ZNF385B: variants seen among roughly 807,000 people sequenced by gnomAD.
ZNF385B encodes the protein zinc finger protein 385B.
A neutral mutation model predicts 39.2 loss-of-function variants in ZNF385B; 23 were observed. The ratio of observed to expected loss-of-function variants is 0.59; its 90% CI spans 0.42 to 0.83. The LOEUF (loss-of-function observed/expected upper bound fraction) is 0.83. Among genes scored for constraint, ZNF385B ranks in the 40% least tolerant of loss-of-function variants. ZNF385B has a pLI of 0.00. For missense variants in ZNF385B, 552 were observed against 598.9 expected (o/e 0.92, Z 0.82); for synonymous variants, 205 against 222.6 (o/e 0.92, Z 0.70).
intron 1 of ZNF385B, among the ~76,000 whole-genome samples, chr2:179,812,666 A>G (rs914509013): frequency 6.6e-6 from 1 of 152,190 alleles, no homozygotes; most frequent in Non-Finnish European, 1.5e-5. Flanking sequence ...GAAGGGGGAA[A>G]GGGTTGACAA....
intron 1 of ZNF385B, chr2:179,860,896 G>A (rs373149579): frequency 5.4e-6 from 1 of 185,254 alleles, no homozygotes; most frequent in Non-Finnish European, 1.2e-5. Context: ...GGATTAGGTC[G>A]TGGAAGCCAC....
At position 179,688,205 on chromosome 2, in the gene ZNF385B, C is replaced by T. The variant is rs115869701; in HGVS notation, c.298+81298G>A. ...ATATGAGTTAGAGGTGGGGAAGGGGCTTGGGGACAATTAGAGAAAAGATGC... is the reference window on the plus strand; with the variant it reads ...ATATGAGTTAGAGGTGGGGAAGGGGTTTGGGGACAATTAGAGAAAAGATGC... On this transcript the variant is annotated intron_variant, in intron 3 of 9. Transcript: ENST00000410066. Among the ~76,000 whole-genome samples, 549 of 152,090 alleles carry T rather than the reference C, an allele frequency of 3.6e-3. 4 individuals are homozygous for T. Among genetic ancestry groups the T allele is most frequent in the African/African-American group, 0.012 (516 of 41,464 alleles).
chr2:179,496,536 G>T (rs971526440), intron 5 of ZNF385B, among the ~76,000 whole-genome samples: 1 of 152,078 alleles, frequency 6.6e-6, no homozygotes, highest in Admixed American at 6.6e-5. Context: ...ACTACCTCAA[G>T]GCACTTAATA....
chr2:179,601,731 A>G (rs1688424331), intron 3 of ZNF385B, among the ~76,000 whole-genome samples: 1 of 152,190 alleles, frequency 6.6e-6, no homozygotes, highest in South Asian at 2.1e-4. Flanking sequence ...TACTCATTAC[A>G]AATATTCTTT....
chr2:179,609,689 C>T (rs1428354906), intron 3 of ZNF385B, among the ~76,000 whole-genome samples: 1 of 152,178 alleles, frequency 6.6e-6, no homozygotes, highest in Non-Finnish European at 1.5e-5. Context: ...TGTGCATTCC[C>T]ACCAACAGTG....
chr2:179,703,541 A>G (rs879342220), intron 3 of ZNF385B, among the ~76,000 whole-genome samples: 2 of 152,210 alleles, frequency 1.3e-5, no homozygotes, highest in Non-Finnish European at 2.9e-5. Flanking sequence ...TCCAATACCT[A>G]TAACAGTGTC....
chr2:179,837,342 T>C lies in ZNF385B; in HGVS notation c.-155+23759A>G, dbSNP rs867727607. On this transcript the variant is annotated intron_variant, in intron 1 of 9. Coordinates refer to ENST00000410066, the MANE Select transcript of ZNF385B (RefSeq NM_152520.6). ...GATTTTATTTCTTTTATATTTTTGG[T>C]AAGGATTACAAGGTCAAAAGAAATA... Among the ~76,000 whole-genome samples the C allele has an allele frequency of 6.6e-5, 10 of 152,354 alleles. No individual in the cohort carries two copies. In the South Asian group the frequency reaches 1.2e-3, roughly 19 times the overall value.
At position 179,751,366 on chromosome 2, in the gene ZNF385B, T is replaced by G. The variant is rs1465963852; in HGVS notation, c.298+18137A>C. On this transcript the variant is annotated intron_variant, in intron 3 of 9. Transcript: ENST00000410066. ...AGGGAGTGAAGAAACTATCATACTT[T>G]CAATATACTCATGGCACCATCTTGT... is the stretch of plus-strand genomic sequence containing the variant. 3.9e-5 allele frequency among the ~76,000 whole-genome samples: 6 copies of G among 152,136 alleles called. No individual in the cohort carries two copies. The East Asian group carries it at 1.2e-3, about 29-fold the overall frequency.
Position 179,720,937 on chromosome 2 carries a change from T to TTG in ZNF385B, c.298+48565_298+48566insCA, listed in dbSNP as rs1553517378. Among the ~76,000 whole-genome samples, 46 of 145,914 alleles carry TTG rather than the reference T, an allele frequency of 3.2e-4. 1 individual carries two copies. Among genetic ancestry groups the TTG allele is most frequent in the African/African-American group, 9.9e-4 (39 of 39,508 alleles). ...ACCATGCCTGGCTGTTTTTTTTTTT[T>TTG]TTTTTTTTTTTTGGAGAGACAAGGT... On this transcript the variant is annotated intron_variant, in intron 3 of 9. Coordinates refer to ENST00000410066, the MANE Select transcript of ZNF385B (RefSeq NM_152520.6).
At chr2:179,855,496 A>G (rs1341148970) in intron 1 of ZNF385B, among the ~76,000 whole-genome samples, 1 of 152,216 alleles carries the variant, frequency 6.6e-6, no homozygotes, top group African/African-American at 2.4e-5. Context: ...TATGTCTTTT[A>G]ATCCATCTCT....
chr2:179,566,064 A>T (rs552684165), intron 3 of ZNF385B, among the ~76,000 whole-genome samples: 163 of 152,304 alleles, frequency 1.1e-3, no homozygotes, highest in Non-Finnish European at 1.9e-3. Context: ...GTGTTGAGTG[A>T]ATGTAGGCGT....
At chr2:179,664,597 T>C (rs1454337914) in intron 3 of ZNF385B, among the ~76,000 whole-genome samples, 1 of 152,182 alleles carries the variant, frequency 6.6e-6, no homozygotes, top group Admixed American at 6.5e-5. Flanking sequence ...ACATTATGTA[T>C]AATCACAAAC....
chr2:179,476,608 C>T (rs2053474802), intron 6 of ZNF385B, among the ~76,000 whole-genome samples: 1 of 152,164 alleles, frequency 6.6e-6, no homozygotes, highest in Non-Finnish European at 1.5e-5. Flanking sequence ...ATATAAAATG[C>T]TGTAAAGTTT....
chr2:179,814,508 G>T, intron 1 of ZNF385B: 1 of 689,234 alleles, frequency 1.5e-6, no homozygotes, highest in South Asian at 1.5e-5. Context: ...TTTTCTTCAG[G>T]AACAAGCACA....
intron 5 of ZNF385B, among the ~76,000 whole-genome samples, chr2:179,508,153 C>T (rs867593041): frequency 1.3e-5 from 2 of 152,122 alleles, no homozygotes; most frequent in African/African-American, 2.4e-5. Context: ...TAGCCAAATG[C>T]CTGCTCAAGC....
intron 4 of ZNF385B, among the ~76,000 whole-genome samples, chr2:179,538,420 G>A (rs1016775401): frequency 6.6e-6 from 1 of 151,980 alleles, no homozygotes; most frequent in Non-Finnish European, 1.5e-5. Context: ...AGCATAGCAC[G>A]AATTAAAAGC....
intron 3 of ZNF385B, chr2:179,745,881 C>T (rs1292557867): frequency 1.3e-5 from 17 of 1,264,946 alleles, no homozygotes; most frequent in African/African-American, 7.7e-5. Flanking sequence ...ATATCAGTGC[C>T]GCTCCAAGCC....
At chr2:179,785,712 C>A (rs1704956793) in intron 1 of ZNF385B, among the ~76,000 whole-genome samples, 1 of 152,014 alleles carries the variant, frequency 6.6e-6, no homozygotes, top group African/African-American at 2.4e-5. Context: ...AATCTCATAA[C>A]AAAATTTTAA....
chr2:179,528,759 G>A (rs774165809), intron 4 of ZNF385B, among the ~76,000 whole-genome samples: 28 of 152,176 alleles, frequency 1.8e-4, no homozygotes, highest in African/African-American at 4.3e-4. Flanking sequence ...CTGGGTACCT[G>A]ACTGGAGCTG....
Sources: gnomAD v4.1 joint callset for allele counts (sites outside exome capture counted in the v4.1 genomes callset) on GRCh38, gnomAD v4.1.1 for gene constraint, MANE v1.5 for transcripts, NCBI Gene and HGNC (gene_info 2026-07-23, HGNC 2026-07-21) for gene names.